The following OSBPL9 variants were observed in gnomAD, a reference collection of about 807,000 sequenced individuals.
OSBPL9 encodes the protein oxysterol-binding protein-related protein 9.
OSBPL9 carries 40 observed loss-of-function variants against 106.6 expected under a neutral mutation model. That is an observed-to-expected ratio of 0.38 (90% confidence interval 0.29 to 0.49). OSBPL9 has a LOEUF of 0.49. OSBPL9 is among the 20% of genes least tolerant of loss of function. OSBPL9 has a pLI of 0.97. For synonymous variants in OSBPL9, 269 were observed against 295.4 expected (o/e 0.91, Z 0.92); for missense variants, 609 against 887.2 (o/e 0.69, Z 3.98).
intron 3 of OSBPL9, chr1:51,708,969 A>G (rs186312924): frequency 1.3e-5 from 2 of 152,284 alleles, no homozygotes; most frequent in African/African-American, 2.4e-5. Flanking sequence ...AATTTTGCAT[A>G]TATTTATTTA....
At chr1:51,560,923 A>G in the OSBPL9 span, 6 of 152,254 alleles carry the variant, frequency 3.9e-5, no homozygotes, top group Non-Finnish European at 8.8e-5. Context: ...GAAGCAGCGT[A>G]AAGTATTGGA....
chr1:51,754,330 G>A (rs1669897197), intron 8 of OSBPL9, among the ~76,000 whole-genome samples: 1 of 152,208 alleles, frequency 6.6e-6, no homozygotes, highest in African/African-American at 2.4e-5. Flanking sequence ...AGGTATAGTT[G>A]CTACAAACTT....
At position 51,787,434 on chromosome 1, in the gene OSBPL9, A is replaced by G. The variant is rs773315670; in HGVS notation, c.2082A>G (p.Arg694=). 1.2e-6 allele frequency: 2 copies of G among 1,614,096 alleles called. No homozygotes were observed. The highest frequency in any genetic ancestry group is 2.2e-5 in the East Asian group (1 of 44,884). ...ATEAKHRLEE[R]QRAEARERKE... ...AAGCAAAGCACAGGCTTGAAGAAAGACAAAGAGCAGAAGCCCGAGAAAGGA... is the reference window on the plus strand; with the variant it reads ...AAGCAAAGCACAGGCTTGAAGAAAGGCAAAGAGCAGAAGCCCGAGAAAGGA... The change falls in exon 23 of 24, where the codon AGA becomes AGG. Residue 694 remains arginine (R), a synonymous_variant. Transcript: ENST00000428468.
At chr1:51,740,201 C>A (rs1666589340) in intron 4 of OSBPL9, 2 of 1,537,654 alleles carry the variant, frequency 1.3e-6, no homozygotes, top group Non-Finnish European at 1.7e-6. Flanking sequence ...CTTGAATTTT[C>A]AAAAATAATT....
chr1:51,579,005 A>G (rs1645203616), intron 1 of OSBPL9, among the ~76,000 whole-genome samples: 1 of 151,882 alleles, frequency 6.6e-6, no homozygotes, highest in African/African-American at 2.4e-5. Context: ...GATGTAGCTC[A>G]AATCAAAAGA....
intron 1 of OSBPL9, among the ~76,000 whole-genome samples, chr1:51,580,098 C>T (rs1474426781): frequency 1.3e-5 from 2 of 152,108 alleles, no homozygotes; most frequent in Non-Finnish European, 2.9e-5. Context: ...GCCAATTTAC[C>T]TGCCTACTGC....
At chr1:51,535,567 T>A in the OSBPL9 span, among the ~76,000 whole-genome samples, 224 of 152,262 alleles carry the variant, frequency 1.5e-3, 1 homozygote, top group African/African-American at 4.8e-3. Context: ...TTATTTTTTT[T>A]TAAAAACAAA....
At chr1:51,597,231 T>C (rs78425230) in intron 1 of OSBPL9, among the ~76,000 whole-genome samples, 1,886 of 152,222 alleles carry the variant, frequency 0.012, 40 homozygotes, top group African/African-American at 0.044. Flanking sequence ...GTAGGATTTA[T>C]AACTGGTGTA....
chr1:51,558,507 G>A, the OSBPL9 span, among the ~76,000 whole-genome samples: 2 of 152,042 alleles, frequency 1.3e-5, no homozygotes, highest in Admixed American at 1.3e-4. Context: ...GCAGAGTGCA[G>A]CTGGCACTAC....
At chr1:51,707,765 G>T in intron 3 of OSBPL9, 1 of 174,544 alleles carries the variant, frequency 5.7e-6, no homozygotes, top group Non-Finnish European at 1.2e-5. Context: ...ACATGGGGGT[G>T]TCAGCAGAAA....
intron 3 of OSBPL9, among the ~76,000 whole-genome samples, chr1:51,697,469 T>TC (rs1288705782): frequency 6.6e-6 from 1 of 150,514 alleles, no homozygotes; most frequent in East Asian, 1.9e-4. Flanking sequence ...TTTTTTTTTT[T>TC]TTTTTTTACT....
At chr1:51,549,890 G>A in the OSBPL9 span, among the ~76,000 whole-genome samples, 6 of 152,130 alleles carry the variant, frequency 3.9e-5, no homozygotes, top group African/African-American at 1.4e-4. Flanking sequence ...GTGGAATGTC[G>A]GTTGCCTACT....
intron 4 of OSBPL9, among the ~76,000 whole-genome samples, chr1:51,736,029 T>A (rs996219913): frequency 3.3e-5 from 5 of 152,220 alleles, no homozygotes; most frequent in African/African-American, 1.2e-4. Flanking sequence ...CTGCAAGAAC[T>A]AGTTCCTTGA....
chr1:51,546,676 G>A, the OSBPL9 span, among the ~76,000 whole-genome samples: 2 of 149,124 alleles, frequency 1.3e-5, no homozygotes, highest in African/African-American at 2.5e-5. Flanking sequence ...CAGCCTGGGC[G>A]ACAGAGCCAG....
At chr1:51,569,371 C>T in the OSBPL9 span, among the ~76,000 whole-genome samples, 3 of 152,130 alleles carry the variant, frequency 2.0e-5, no homozygotes, top group African/African-American at 7.2e-5. Context: ...CTTATATTAA[C>T]ATTCAGGTTT....
intron 12 of OSBPL9, among the ~76,000 whole-genome samples, chr1:51,768,958 C>G (rs576289206): frequency 2.6e-5 from 4 of 152,186 alleles, no homozygotes; most frequent in Non-Finnish European, 4.4e-5. Context: ...TTTGTATATT[C>G]TAATCTAGAA....
chr1:51,632,620 G>A (rs1645176911), intron 1 of OSBPL9, among the ~76,000 whole-genome samples: 1 of 117,306 alleles, frequency 8.5e-6, no homozygotes, highest in South Asian at 2.4e-4. Context: ...GCTAGGTTAA[G>A]CAAAGACTCT....
At chr1:51,710,157 G>GA (rs1659506947) in intron 3 of OSBPL9, among the ~76,000 whole-genome samples, 1 of 152,126 alleles carries the variant, frequency 6.6e-6, no homozygotes, top group South Asian at 2.1e-4. Flanking sequence ...CTGGGGGTGG[G>GA]AAAATCATGA....
At chr1:51,766,059 T>A in intron 12 of OSBPL9, 78 bp downstream of exon 12, 1 of 1,351,708 alleles carries the variant, frequency 7.4e-7, no homozygotes, top group Non-Finnish European at 9.9e-7. Context: ...AGACTAGTGT[T>A]AATGACAGAC....
Sources: allele counts gnomAD v4.1 joint callset (sites outside exome capture counted in the v4.1 genomes callset), GRCh38; gene constraint gnomAD v4.1.1; transcripts MANE v1.5; gene names NCBI Gene and HGNC (gene_info 2026-07-23, HGNC 2026-07-21).